GBE1: variants seen among roughly 807,000 people sequenced by gnomAD.
GBE1 encodes 1,4-alpha-glucan-branching enzyme.
Under a neutral mutation model 88.8 loss-of-function variants are expected in GBE1, and 70 were observed. That is an observed-to-expected ratio of 0.79 (90% CI 0.65 to 0.96). GBE1 has a LOEUF of 0.96. Ranked by LOEUF, GBE1 falls within the 40% of genes least tolerant of loss-of-function variation. The pLI, the probability that GBE1 is intolerant of heterozygous loss-of-function variation, is 0.00. For synonymous variants in GBE1, 284 were observed against 300.1 expected (o/e 0.95, Z 0.56); for missense variants, 872 against 871.0 (o/e 1.00, Z -0.01).
At chr3:81,675,736 C>T (rs543632116) in intron 2 of GBE1, among the ~76,000 whole-genome samples, 252 of 152,088 alleles carry the variant, frequency 1.7e-3, no homozygotes, top group Middle Eastern at 3.4e-3. Flanking sequence ...GTTAGGTACC[C>T]CCAAAACAAT....
At chr3:81,665,840 G>C (rs374591517) in intron 3 of GBE1, among the ~76,000 whole-genome samples, 1 of 152,134 alleles carries the variant, frequency 6.6e-6, no homozygotes, top group East Asian at 1.9e-4. Flanking sequence ...TGAACATTTT[G>C]TTCTTCTAAG....
rs573957018 is a variant in GBE1 at position 81,491,065 on chromosome 3, A to C, written c.2053-602T>G. On this transcript the variant is annotated intron_variant, in intron 15 of 15. Transcript: ENST00000429644. ...CAGCTCCTTGCTTGCATCCTCACCC[A>C]CTACACTCCAGCCGCAGGAGCCTTT... is the stretch of plus-strand genomic sequence containing the variant. Among the ~76,000 whole-genome samples, 31 of 152,008 alleles carry C rather than the reference A, an allele frequency of 2.0e-4. No homozygotes were observed. The South Asian group carries it at 6.2e-3, about 31-fold the overall frequency.
chr3:81,644,219 CA>C (rs952132016), intron 6 of GBE1, among the ~76,000 whole-genome samples: 19 of 151,752 alleles, frequency 1.3e-4, no homozygotes, highest in Admixed American at 5.9e-4. Context: ...TGGGAGACAA[CA>C]AACAAGCAAA....
intron 2 of GBE1, among the ~76,000 whole-genome samples, chr3:81,677,748 AC>A (rs1350989733): frequency 6.6e-6 from 1 of 152,062 alleles, no homozygotes. Context: ...CAAAGGAATC[AC>A]CCTTCTTCAA....
At chr3:81,642,276 G>A (rs1478086287) in intron 7 of GBE1, among the ~76,000 whole-genome samples, 4 of 151,878 alleles carry the variant, frequency 2.6e-5, no homozygotes, top group Non-Finnish European at 5.9e-5. Flanking sequence ...GATAAAATAG[G>A]TAGCTAATAT....
chr3:81,732,273 TATA>T (rs1447927784), intron 1 of GBE1, among the ~76,000 whole-genome samples: 1 of 152,168 alleles, frequency 6.6e-6, no homozygotes, highest in Non-Finnish European at 1.5e-5. Flanking sequence ...TATACTAGAC[TATA>T]ATACAGCATA....
chr3:81,593,772 T>C, intron 8 of GBE1, 136 bp downstream of exon 8: 1 of 570,762 alleles, frequency 1.8e-6, no homozygotes, highest in South Asian at 2.5e-5. Flanking sequence ...ACTTATAATC[T>C]ACCTTTTGCC....
At chr3:81,515,635 G>C (rs1451760582) in intron 14 of GBE1, among the ~76,000 whole-genome samples, 1 of 151,626 alleles carries the variant, frequency 6.6e-6, no homozygotes, top group African/African-American at 2.4e-5. Context: ...TAAGCTTAGT[G>C]AGAAAGGCAT....
At chr3:81,694,131 C>T (rs371840454) in intron 2 of GBE1, among the ~76,000 whole-genome samples, 61 of 148,144 alleles carry the variant, frequency 4.1e-4, no homozygotes, top group African/African-American at 1.5e-3. Flanking sequence ...AGGAATAAGA[C>T]GATCAAAGCA....
At chr3:81,679,649 C>T (rs1275305951) in intron 2 of GBE1, among the ~76,000 whole-genome samples, 1 of 152,164 alleles carries the variant, frequency 6.6e-6, no homozygotes, top group Non-Finnish European at 1.5e-5. Flanking sequence ...ATACAGTTTT[C>T]ATTTCTTTTC....
chr3:81,704,956 GA>G (rs1705752049), intron 2 of GBE1, among the ~76,000 whole-genome samples: 1 of 151,894 alleles, frequency 6.6e-6, no homozygotes, highest in African/African-American at 2.4e-5. Flanking sequence ...CAAGGTAAAG[GA>G]AAAAAAGAAA....
At chr3:81,583,340 A>G (rs1703759293) in intron 10 of GBE1, among the ~76,000 whole-genome samples, 3 of 152,152 alleles carry the variant, frequency 2.0e-5, no homozygotes, top group African/African-American at 7.2e-5. Flanking sequence ...ACAGGGAATT[A>G]CTGTATGGTT....
chr3:81,559,313 T>C (rs1703389461), intron 12 of GBE1, among the ~76,000 whole-genome samples: 1 of 151,992 alleles, frequency 6.6e-6, no homozygotes, highest in African/African-American at 2.4e-5. Flanking sequence ...TAAGGTACTA[T>C]TTTGAGGTAA....
At chr3:81,758,866 C>T (rs1706638602) in intron 1 of GBE1, among the ~76,000 whole-genome samples, 1 of 152,208 alleles carries the variant, frequency 6.6e-6, no homozygotes, top group Non-Finnish European at 1.5e-5. Flanking sequence ...TGTGTCCCCA[C>T]TCAGATCTCA....
At chr3:81,648,608 G>A (rs1411567492) in intron 5 of GBE1, among the ~76,000 whole-genome samples, 1 of 152,010 alleles carries the variant, frequency 6.6e-6, no homozygotes, top group Non-Finnish European at 1.5e-5. Context: ...AATTTTGGAA[G>A]TCATCAGTTC....
intron 14 of GBE1, chr3:81,534,926 C>G: frequency 3.0e-6 from 1 of 329,478 alleles, no homozygotes; most frequent in Non-Finnish European, 5.5e-6. Flanking sequence ...ACCTTCAGGA[C>G]AGCAAGATCC....
rs190776439 is a variant in GBE1, at chr3:81,697,543, G to A, written c.313+7901C>T. The stretch of plus-strand genomic sequence containing the variant: ...TCTCAATCTCCTGACCTCGTGATCC[G>A]CTGGCCTTGGCCTCGCAAAGTGCTG... On this transcript the variant is annotated intron_variant, in intron 2 of 15. Transcript: ENST00000429644. Among the ~76,000 whole-genome samples the A allele has an allele frequency of 1.8e-4, 27 of 152,144 alleles. 1 individual carries two copies. The highest frequency in any genetic ancestry group is 3.1e-4 in the Non-Finnish European group (21 of 67,992).
chr3:81,757,541 T>C (rs138321978), intron 1 of GBE1, among the ~76,000 whole-genome samples: 310 of 152,152 alleles, frequency 2.0e-3, no homozygotes, highest in African/African-American at 7.1e-3. Flanking sequence ...ATGGCAGCAG[T>C]AGGAAGGCAG....
At chr3:81,501,686 C>CTTTTTTT (rs35149061) in intron 14 of GBE1, among the ~76,000 whole-genome samples, 2,024 of 71,924 alleles carry the variant, frequency 0.028, 284 homozygotes, top group East Asian at 0.049. Flanking sequence ...CTTAGGGGCA[C>CTTTTTTT]TTTTTTTTTT....
Sources: allele counts gnomAD v4.1 joint callset (sites outside exome capture counted in the v4.1 genomes callset), GRCh38; gene constraint gnomAD v4.1.1; transcripts MANE v1.5; gene names NCBI Gene and HGNC (gene_info 2026-07-23, HGNC 2026-07-21).